Variants in DSCAM observed in about 807,000 individuals in gnomAD.
DSCAM encodes the protein DS cell adhesion molecule.
DSCAM carries 47 observed loss-of-function variants against 217.7 expected under a neutral mutation model. The observed-to-expected ratio is 0.22, with a 90% CI of 0.17 to 0.28. DSCAM has a LOEUF of 0.28. Among genes scored for constraint, DSCAM ranks in the 10% least tolerant of loss-of-function variants. DSCAM has a pLI of 1.00. For synonymous variants in DSCAM, 1,056 were observed against 1,015.3 expected (o/e 1.04, Z -0.76); for missense variants, 2,080 against 2,618.3 (o/e 0.79, Z 4.49).
intron 3 of DSCAM, among the ~76,000 whole-genome samples, chr21:40,457,445 G>C (rs1472775118): frequency 6.6e-6 from 1 of 152,092 alleles, no homozygotes; most frequent in Non-Finnish European, 1.5e-5. Context: ...CCGGGAGTTT[G>C]AGGCTGTAGT....
chr21:40,231,240 G>T (rs1186303002), intron 11 of DSCAM, among the ~76,000 whole-genome samples: 1 of 151,268 alleles, frequency 6.6e-6, no homozygotes, highest in Non-Finnish European at 1.5e-5. Flanking sequence ...GTGAAAGTGT[G>T]AGGACGACCC....
At chr21:40,193,904 G>A (rs2090980586) in intron 11 of DSCAM, among the ~76,000 whole-genome samples, 1 of 152,078 alleles carries the variant, frequency 6.6e-6, no homozygotes, top group African/African-American at 2.4e-5. Flanking sequence ...CCTATTCTAG[G>A]AGCTCCAAGG....
chr21:40,266,777 C>CATATATATATATATATAT (rs10684678), intron 11 of DSCAM, among the ~76,000 whole-genome samples: 57 of 109,070 alleles, frequency 5.2e-4, no homozygotes, highest in African/African-American at 1.1e-3. Context: ...TTTTCACATG[C>CATATATATATATATATAT]ATATATATAT....
Position 40,304,018 on chromosome 21 carries a change from T to C in DSCAM, c.2063-7844A>G, listed in dbSNP as rs140215316. 4.3e-3 allele frequency among the ~76,000 whole-genome samples: 662 copies of C among 152,268 alleles called. 4 individuals carry two copies. Among genetic ancestry groups the C allele is most frequent in the Middle Eastern group, 0.031 (9 of 294 alleles). On this transcript the variant is annotated intron_variant, in intron 9 of 32. Transcript: ENST00000400454. Reference sequence around the variant, plus strand: ...TCTTTCATGAAGCCTAATGCGTTATTTCTAATACCTTAATCAATGCCAAGG... The same window carrying C: ...TCTTTCATGAAGCCTAATGCGTTATCTCTAATACCTTAATCAATGCCAAGG...
intron 16 of DSCAM, among the ~76,000 whole-genome samples, chr21:40,145,142 T>A (rs2090339462): frequency 6.6e-6 from 1 of 152,154 alleles, no homozygotes; most frequent in South Asian, 2.1e-4. Flanking sequence ...CAGGTACGCT[T>A]ACGACCGGGT....
At chr21:40,427,305 C>T (rs1293038111) in intron 3 of DSCAM, among the ~76,000 whole-genome samples, 1 of 152,158 alleles carries the variant, frequency 6.6e-6, no homozygotes, top group African/African-American at 2.4e-5. Context: ...CCCGTGTATC[C>T]CAGCTGACCA....
intron 1 of DSCAM, among the ~76,000 whole-genome samples, chr21:40,766,690 A>C (rs1160673200): frequency 2.3e-5 from 2 of 85,114 alleles, no homozygotes; most frequent in Non-Finnish European, 4.4e-5. Flanking sequence ...AAAAAAAAAC[A>C]ACTTTTTTTT....
At chr21:40,131,993 G>T (rs1277342366) in intron 19 of DSCAM, among the ~76,000 whole-genome samples, 1 of 152,208 alleles carries the variant, frequency 6.6e-6, no homozygotes, top group Non-Finnish European at 1.5e-5. Flanking sequence ...GATCTGTGAA[G>T]AGCCTTCCCT....
At chr21:40,498,908 T>A (rs534432282) in intron 3 of DSCAM, among the ~76,000 whole-genome samples, 2 of 150,334 alleles carry the variant, frequency 1.3e-5, no homozygotes, top group South Asian at 4.2e-4. Context: ...AATAGAATTT[T>A]AGAATCCACA....
chr21:40,263,850 T>C (rs959492316), intron 11 of DSCAM, among the ~76,000 whole-genome samples: 7 of 152,030 alleles, frequency 4.6e-5, no homozygotes, highest in African/African-American at 1.7e-4. Context: ...ATAAGTTCAA[T>C]TGGAAATGAA....
chr21:40,577,595 TAA>T (rs1360345790), intron 3 of DSCAM, among the ~76,000 whole-genome samples: 1 of 148,962 alleles, frequency 6.7e-6, no homozygotes, highest in Non-Finnish European at 1.5e-5. Context: ...TGGGATGAAT[TAA>T]GAGTCCTTTA....
At chr21:40,255,246 T>A (rs2073355181) in intron 11 of DSCAM, among the ~76,000 whole-genome samples, 1 of 152,130 alleles carries the variant, frequency 6.6e-6, no homozygotes, top group African/African-American at 2.4e-5. Flanking sequence ...CTCAGACAGC[T>A]CCCGCTCCGT....
intron 3 of DSCAM, 126 bp from the exon 4 acceptor site, chr21:40,369,371 G>T (rs2074870080): frequency 1.3e-6 from 1 of 777,742 alleles, no homozygotes; most frequent in Non-Finnish European, 1.9e-6. Flanking sequence ...GCTAAAAATG[G>T]GTGCGTGCGT....
intron 1 of DSCAM, among the ~76,000 whole-genome samples, chr21:40,824,033 AAC>A (rs1175421243): frequency 1.3e-5 from 2 of 152,196 alleles, no homozygotes; most frequent in Non-Finnish European, 2.9e-5. Context: ...GCTTTAGTTT[AAC>A]GGTAAACTCA....
At chr21:40,045,151 T>C (rs920728847) in intron 30 of DSCAM, among the ~76,000 whole-genome samples, 2 of 152,194 alleles carry the variant, frequency 1.3e-5, no homozygotes, top group East Asian at 3.8e-4. Flanking sequence ...AGCCACCCAT[T>C]TGGTGGTACT....
At chr21:40,766,947 A>G (rs1312319457) in intron 1 of DSCAM, among the ~76,000 whole-genome samples, 1 of 152,070 alleles carries the variant, frequency 6.6e-6, no homozygotes, top group Non-Finnish European at 1.5e-5. Context: ...TGGCCTCCCA[A>G]AGTGGTGGGA....
chr21:40,697,880 A>T (rs2090612203), intron 2 of DSCAM, among the ~76,000 whole-genome samples: 1 of 152,074 alleles, frequency 6.6e-6, no homozygotes, highest in Admixed American at 6.5e-5. Flanking sequence ...GAAGAATGTC[A>T]TTGGTAGGGA....
intron 2 of DSCAM, among the ~76,000 whole-genome samples, chr21:40,702,422 A>C (rs1434239629): frequency 6.6e-6 from 1 of 152,188 alleles, no homozygotes; most frequent in African/African-American, 2.4e-5. Flanking sequence ...CTTAATATTA[A>C]TGTGGCTATT....
chr21:40,096,569 T>A (rs2146598501), intron 20 of DSCAM, among the ~76,000 whole-genome samples: 2 of 151,952 alleles, frequency 1.3e-5, no homozygotes, highest in Middle Eastern at 3.4e-3. Context: ...ATGCACATAG[T>A]GGAGTTCCTA....
Sources: gnomAD v4.1 joint callset for allele counts (sites outside exome capture counted in the v4.1 genomes callset) on GRCh38, gnomAD v4.1.1 for gene constraint, MANE v1.5 for transcripts, NCBI Gene and HGNC (gene_info 2026-07-23, HGNC 2026-07-21) for gene names.